HIVEP3: variants seen among roughly 807,000 people sequenced by gnomAD.
The protein encoded by HIVEP3 is HIVEP zinc finger 3.
A neutral mutation model predicts 152.8 loss-of-function variants in HIVEP3; 49 were observed. The observed-to-expected ratio is 0.32, with a 90% CI of 0.26 to 0.41. HIVEP3 has a LOEUF of 0.41. HIVEP3 is among the 10% of genes least tolerant of loss of function. HIVEP3 has a pLI of 1.00. For synonymous variants in HIVEP3, 1,269 were observed against 1,289.0 expected (o/e 0.98, Z 0.33); for missense variants, 2,790 against 3,103.3 (o/e 0.90, Z 2.40).
chr1:41,677,337 A>T (rs1024879059), intron 2 of HIVEP3, among the ~76,000 whole-genome samples: 3 of 152,262 alleles, frequency 2.0e-5, no homozygotes, highest in African/African-American at 7.2e-5. Flanking sequence ...TAAGAGAGAA[A>T]TACAATAGTG....
chr1:41,824,484 G>A (rs1570612095), intron 1 of HIVEP3, among the ~76,000 whole-genome samples: 3 of 151,852 alleles, frequency 2.0e-5, no homozygotes, highest in South Asian at 4.2e-4. Flanking sequence ...TAAGTGGTCC[G>A]GACCCCAGCC....
At chr1:41,776,353 T>A (rs749215867) in intron 1 of HIVEP3, among the ~76,000 whole-genome samples, 22 of 152,272 alleles carry the variant, frequency 1.4e-4, no homozygotes, top group Non-Finnish European at 2.9e-4. Flanking sequence ...GCATGCCCTC[T>A]GTGCCAGGCA....
At chr1:41,651,257 A>G (rs1450187138) in intron 2 of HIVEP3, among the ~76,000 whole-genome samples, 1 of 152,072 alleles carries the variant, frequency 6.6e-6, no homozygotes, top group Non-Finnish European at 1.5e-5. Flanking sequence ...TAAAAATACA[A>G]GAAATTAGCT....
At chr1:42,003,115 G>C (rs1379592486) in intron 1 of HIVEP3, among the ~76,000 whole-genome samples, 1 of 151,074 alleles carries the variant, frequency 6.6e-6, no homozygotes, top group Non-Finnish European at 1.5e-5. Context: ...TTGCTCTGTT[G>C]CCCAGGCTGG....
At chr1:41,585,357 C>T (rs1213198210) in intron 3 of HIVEP3, 39 bp from the exon 4 acceptor site, 2 of 398,816 alleles carry the variant, frequency 5.0e-6, no homozygotes, top group Admixed American at 4.4e-5. Flanking sequence ...AATACACACA[C>T]ACAAAAGAGA....
At chr1:41,703,660 C>T (rs1302883962) in intron 1 of HIVEP3, among the ~76,000 whole-genome samples, 1 of 152,198 alleles carries the variant, frequency 6.6e-6, no homozygotes, top group Non-Finnish European at 1.5e-5. Flanking sequence ...GACGTATCTC[C>T]TGCACCTAGC....
At chr1:42,034,378 T>G (rs1645629324) in intron 1 of HIVEP3, among the ~76,000 whole-genome samples, 1 of 152,236 alleles carries the variant, frequency 6.6e-6, no homozygotes, top group African/African-American at 2.4e-5. Flanking sequence ...TCTAGTAAAT[T>G]GCTGCTTCTA....
intron 2 of HIVEP3, among the ~76,000 whole-genome samples, chr1:41,695,615 G>A (rs1353860609): frequency 6.6e-6 from 1 of 152,156 alleles, no homozygotes; most frequent in African/African-American, 2.4e-5. Flanking sequence ...AATGCTGAGG[G>A]TGCCCAGATT....
At position 41,508,017 on chromosome 1, in the gene HIVEP3, T is replaced by C. The variant is rs1449917130; in HGVS notation, c.*2434A>G. The stretch of plus-strand genomic sequence containing the variant: ...CCCGGTGACTGCCGGGCCTCTGCCC[T>C]GCCGGCTGCACTGTTCATTGCTAGG... On this transcript the variant is annotated 3_prime_UTR_variant, in exon 9 of 9. Coordinates refer to ENST00000372583, the MANE Select transcript of HIVEP3 (RefSeq NM_024503.5). 6.6e-6 allele frequency: 1 copy of C among 152,354 alleles called. No homozygotes were observed. The highest frequency in any genetic ancestry group is 1.5e-5 in the Non-Finnish European group (1 of 68,144). 9.4% of individuals were successfully genotyped at this position (152,354 alleles called of 1,614,324 possible). A position where few individuals can be genotyped will look rare whatever the true frequency, so the allele number is the denominator to read the frequency against.
At chr1:41,890,563 C>G (rs1051279004) in intron 1 of HIVEP3, among the ~76,000 whole-genome samples, 1 of 152,192 alleles carries the variant, frequency 6.6e-6, no homozygotes, top group Non-Finnish European at 1.5e-5. Context: ...GATCCATGGC[C>G]CTTTTTATAT....
chr1:42,018,182 C>T (rs980408719), intron 1 of HIVEP3, among the ~76,000 whole-genome samples: 3 of 151,730 alleles, frequency 2.0e-5, no homozygotes, highest in Non-Finnish European at 2.9e-5. Flanking sequence ...TCTGGGCTTG[C>T]TCTTTCATTC....
intron 5 of HIVEP3, among the ~76,000 whole-genome samples, chr1:41,563,655 T>C (rs1644117511): frequency 6.6e-6 from 1 of 151,912 alleles, no homozygotes; most frequent in African/African-American, 2.4e-5. Context: ...GCCCCTCCAC[T>C]CTTAAACATG....
intron 1 of HIVEP3, among the ~76,000 whole-genome samples, chr1:41,805,606 C>T (rs145849059): frequency 3.9e-5 from 6 of 152,248 alleles, no homozygotes; most frequent in South Asian, 2.1e-4. Context: ...GCAGTGAGGA[C>T]GAAGCTGGCA....
chr1:41,838,269 T>C (rs140497914), intron 1 of HIVEP3, among the ~76,000 whole-genome samples: 14 of 152,282 alleles, frequency 9.2e-5, no homozygotes, highest in African/African-American at 3.4e-4. Flanking sequence ...CATAATGTCA[T>C]CGACAGAGGC....
chr1:41,653,868 C>T (rs1645589049), intron 2 of HIVEP3, among the ~76,000 whole-genome samples: 1 of 145,716 alleles, frequency 6.9e-6, no homozygotes, highest in Non-Finnish European at 1.5e-5. Context: ...GAGAATGAGG[C>T]ACTAAGCCTC....
chr1:41,944,702 T>A (rs975270913), intron 1 of HIVEP3, among the ~76,000 whole-genome samples: 1 of 152,102 alleles, frequency 6.6e-6, no homozygotes, highest in African/African-American at 2.4e-5. Context: ...TCAGTGAGCA[T>A]CACTAATCCG....
At chr1:41,996,399 AAAAG>A (rs1325098671) in intron 1 of HIVEP3, among the ~76,000 whole-genome samples, 1 of 151,562 alleles carries the variant, frequency 6.6e-6, no homozygotes, top group Non-Finnish European at 1.5e-5. Flanking sequence ...CAAAAAAAAA[AAAAG>A]AGAGAGAGAG....
At chr1:42,024,395 T>C (rs1645570941) in intron 1 of HIVEP3, among the ~76,000 whole-genome samples, 1 of 152,156 alleles carries the variant, frequency 6.6e-6, no homozygotes. Flanking sequence ...TTCCAATGAG[T>C]CTTCCTCAAC....
intron 1 of HIVEP3, among the ~76,000 whole-genome samples, chr1:41,957,983 T>C (rs1288929258): frequency 6.6e-6 from 1 of 152,218 alleles, no homozygotes; most frequent in Admixed American, 6.5e-5. Context: ...CCTGAAAGTG[T>C]AGAAGAGGCA....
Sources: gnomAD v4.1 joint callset for allele counts (sites outside exome capture counted in the v4.1 genomes callset) on GRCh38, gnomAD v4.1.1 for gene constraint, MANE v1.5 for transcripts, NCBI Gene and HGNC (gene_info 2026-07-23, HGNC 2026-07-21) for gene names.